The following RBFOX3 variants were observed in gnomAD, a reference collection of about 807,000 sequenced individuals.
The protein encoded by RBFOX3 is RNA binding fox-1 homolog 3.
In RBFOX3, 17 loss-of-function variants were observed where a neutral mutation model predicts 48.7. That is an observed-to-expected ratio of 0.35 (90% confidence interval 0.24 to 0.52). The LOEUF (loss-of-function observed/expected upper bound fraction) is 0.52, where lower values mean the gene tolerates loss of function less well. Among genes scored for constraint, RBFOX3 ranks in the 20% least tolerant of loss-of-function variants. The pLI, the probability that RBFOX3 is intolerant of heterozygous loss-of-function variation, is 0.94. For synonymous variants in RBFOX3, 212 were observed against 209.5 expected (o/e 1.01, Z -0.10); for missense variants, 382 against 497.5 (o/e 0.77, Z 2.21).
At chr17:79,472,278 T>C (rs2077152735) in intron 2 of RBFOX3, among the ~76,000 whole-genome samples, 1 of 152,172 alleles carries the variant, frequency 6.6e-6, no homozygotes, top group African/African-American at 2.4e-5. Flanking sequence ...TTAAATTATT[T>C]TGAAATAATT....
intron 2 of RBFOX3, among the ~76,000 whole-genome samples, chr17:79,458,779 C>T (rs2074969962): frequency 6.6e-6 from 1 of 151,990 alleles, no homozygotes; most frequent in African/African-American, 2.4e-5. Flanking sequence ...GAATAAGGAG[C>T]GAGATGTTGA....
chr17:79,384,717 A>G (rs1442670005), intron 2 of RBFOX3, among the ~76,000 whole-genome samples: 1 of 152,124 alleles, frequency 6.6e-6, no homozygotes, highest in Non-Finnish European at 1.5e-5. Context: ...AGCCTCATAC[A>G]CCAGCGCTGA....
chr17:79,229,694 T>C (rs1054702291), intron 4 of RBFOX3, among the ~76,000 whole-genome samples: 1 of 150,416 alleles, frequency 6.6e-6, no homozygotes, highest in Non-Finnish European at 1.5e-5. Context: ...GGCTCAGAAA[T>C]CCAAACCCGT....
intron 1 of RBFOX3, among the ~76,000 whole-genome samples, chr17:79,531,069 C>T (rs2087691536): frequency 6.6e-6 from 1 of 152,250 alleles, no homozygotes; most frequent in African/African-American, 2.4e-5. Context: ...GGGCTCCTCC[C>T]CGCCAGGACT....
intron 4 of RBFOX3, among the ~76,000 whole-genome samples, chr17:79,207,521 G>A (rs75616450): frequency 0.012 from 1,781 of 152,342 alleles, 44 homozygotes; most frequent in African/African-American, 0.04. Flanking sequence ...GAAGCCTCTC[G>A]GGTTATTCCC....
chr17:79,501,452 T>C (rs2082373116), intron 1 of RBFOX3, among the ~76,000 whole-genome samples: 1 of 152,222 alleles, frequency 6.6e-6, no homozygotes, highest in Non-Finnish European at 1.5e-5. Context: ...CCAGGAAACC[T>C]GAGTCACTGG....
chr17:79,600,501 A>T (rs2093681793), intron 1 of RBFOX3: 1 of 152,256 alleles, frequency 6.6e-6, no homozygotes, highest in South Asian at 2.1e-4. Context: ...CAAATGCCAG[A>T]TACCATGGAG....
At chr17:79,456,898 C>T (rs2074590186) in intron 2 of RBFOX3, among the ~76,000 whole-genome samples, 1 of 152,256 alleles carries the variant, frequency 6.6e-6, no homozygotes, top group African/African-American at 2.4e-5. Context: ...CTCCTCCCAT[C>T]CTAAATCCCC....
At chr17:79,336,301 C>T (rs11653049) in intron 2 of RBFOX3, among the ~76,000 whole-genome samples, 124,579 of 151,898 alleles carry the variant, frequency 0.82, 51,640 homozygotes, top group Non-Finnish European at 0.89. Context: ...GCAGGAGAAT[C>T]ACTTGAACTC....
intron 4 of RBFOX3, among the ~76,000 whole-genome samples, chr17:79,185,182 G>C (rs1471168269): frequency 6.6e-6 from 1 of 152,216 alleles, no homozygotes; most frequent in Non-Finnish European, 1.5e-5. Flanking sequence ...GGAGAGACGA[G>C]GCAGGCGAGC....
Position 79,204,456 on chromosome 17 carries a change from A to C in RBFOX3, c.-34+31310T>G, listed in dbSNP as rs1286226230. The stretch of plus-strand genomic sequence containing the variant: ...ATATCCTGGAAAGGACACGCGTACC[A>C]GTCCAGTGAACAGCTCCTTGAAGCG... On this transcript the variant is annotated intron_variant, in intron 4 of 14. Transcript: ENST00000693108. The surrounding 1 kb of genome is among the most constrained non-coding windows in gnomAD (Gnocchi z 4.5). 6.6e-6 allele frequency among the ~76,000 whole-genome samples: 1 copy of C among 152,198 alleles called. No individual in the cohort carries two copies. The highest frequency in any genetic ancestry group is 1.9e-4 in the East Asian group (1 of 5,194).
chr17:79,122,034 C>T (rs2035883487), intron 4 of RBFOX3, among the ~76,000 whole-genome samples: 1 of 152,114 alleles, frequency 6.6e-6, no homozygotes, highest in South Asian at 2.1e-4. Context: ...CTGAGGTCTT[C>T]CCCATCTCAG....
At chr17:79,213,701 C>A (rs2058663968) in intron 4 of RBFOX3, among the ~76,000 whole-genome samples, 1 of 152,224 alleles carries the variant, frequency 6.6e-6, no homozygotes, top group Non-Finnish European at 1.5e-5. Context: ...CAGGGTGTAT[C>A]CACTCGGCAC....
At chr17:79,395,132 C>G (rs1377158415) in intron 2 of RBFOX3, among the ~76,000 whole-genome samples, 1 of 152,222 alleles carries the variant, frequency 6.6e-6, no homozygotes, top group African/African-American at 2.4e-5. Flanking sequence ...CTGCCGGAGA[C>G]CAGGGATTCA....
Position 79,243,433 on chromosome 17 carries a change from A to G in RBFOX3, c.-73-7628T>C, listed in dbSNP as rs1032722521. Among the ~76,000 whole-genome samples the G allele has an allele frequency of 1.3e-5, 2 of 152,088 alleles. No homozygotes were observed. The highest frequency in any genetic ancestry group is 4.8e-5 in the African/African-American group (2 of 41,424). On this transcript the variant is annotated intron_variant, in intron 3 of 14. Transcript: ENST00000693108. The surrounding 1 kb of genome is among the most constrained non-coding windows in gnomAD (Gnocchi z 7.9). Reference sequence around the variant, plus strand: ...ACATCAGCCCAAACCTTCTGTGACCAGTTGACTCTTCCAGCTGTGCTGGGC... The same window carrying G: ...ACATCAGCCCAAACCTTCTGTGACCGGTTGACTCTTCCAGCTGTGCTGGGC...
At chr17:79,355,115 G>T (rs906824305) in intron 2 of RBFOX3, among the ~76,000 whole-genome samples, 1 of 152,188 alleles carries the variant, frequency 6.6e-6, no homozygotes, top group Non-Finnish European at 1.5e-5. Context: ...CTTCCAAGAG[G>T]TTTAAAACAT....
At chr17:79,469,710 GTGATC>G (rs1446675010) in intron 2 of RBFOX3, among the ~76,000 whole-genome samples, 1 of 152,184 alleles carries the variant, frequency 6.6e-6, no homozygotes, top group African/African-American at 2.4e-5. Context: ...CCAGGATGGG[GTGATC>G]TGAGCTAAGA....
intron 4 of RBFOX3, among the ~76,000 whole-genome samples, chr17:79,213,396 G>C (rs771043829): frequency 3.3e-5 from 5 of 152,150 alleles, no homozygotes; most frequent in South Asian, 2.1e-4. Flanking sequence ...CAGGCCTCGC[G>C]TCAAGTCCCC....
At chr17:79,588,563 C>A (rs1428045379) in intron 1 of RBFOX3, among the ~76,000 whole-genome samples, 8 of 152,310 alleles carry the variant, frequency 5.3e-5, no homozygotes, top group Admixed American at 2.6e-4. Context: ...CTATAGCCCA[C>A]CCCACACCCC....
Sources: gnomAD v4.1 joint callset for allele counts (sites outside exome capture counted in the v4.1 genomes callset) on GRCh38, gnomAD v4.1.1 for gene constraint, Gnocchi (gnomAD v3.1) non-coding constraint, MANE v1.5 for transcripts, NCBI Gene and HGNC (gene_info 2026-07-23, HGNC 2026-07-21) for gene names.